Variants in RIC1 observed in about 807,000 individuals in gnomAD.
RIC1 encodes RIC1 partner of RAB6A GEF complex, also known as guanine nucleotide exchange factor subunit RIC1.
Under a neutral mutation model 169.0 loss-of-function variants are expected in RIC1, and 88 were observed. The observed-to-expected ratio is 0.52, with a 90% CI of 0.44 to 0.62. The LOEUF is 0.62. RIC1 is among the 20% of genes least tolerant of loss of function. The pLI is 0.00. For synonymous variants in RIC1, 790 were observed against 601.5 expected (o/e 1.31, Z -4.59); for missense variants, 1,877 against 1,725.5 (o/e 1.09, Z -1.56).
chr9:5,710,905 G>C (rs1462257236), intron 3 of RIC1, among the ~76,000 whole-genome samples: 2 of 152,044 alleles, frequency 1.3e-5, no homozygotes, highest in African/African-American at 2.4e-5. Flanking sequence ...AGAGAGAAAA[G>C]AGAAAATTAG....
chr9:5,777,104 C>CTAA (rs1827631320), downstream of RIC1, among the ~76,000 whole-genome samples: 1 of 152,004 alleles, frequency 6.6e-6, no homozygotes, highest in Admixed American at 6.5e-5. Context: ...TTTCATTTAC[C>CTAA]TAATGGTTAA....
intron 3 of RIC1, among the ~76,000 whole-genome samples, chr9:5,700,173 A>C (rs561071883): frequency 6.6e-6 from 1 of 152,172 alleles, no homozygotes; most frequent in Admixed American, 6.5e-5. Flanking sequence ...TGATTAACCA[A>C]TACTGAGCTG....
At chr9:5,652,485 TTGA>T (rs1370279055) in intron 1 of RIC1, among the ~76,000 whole-genome samples, 1 of 152,200 alleles carries the variant, frequency 6.6e-6, no homozygotes, top group Non-Finnish European at 1.5e-5. Context: ...GATTGTTTTG[TTGA>T]TTTCTTTTTT....
chr9:5,661,963 G>A (rs915848751), intron 2 of RIC1, among the ~76,000 whole-genome samples: 1 of 152,060 alleles, frequency 6.6e-6, no homozygotes, highest in African/African-American at 2.4e-5. Context: ...TATTGGCTGT[G>A]GGTTTGTCAT....
rs527285254 is a variant in RIC1, at chr9:5,655,463, G to A, written c.145-1120G>A. Among the ~76,000 whole-genome samples, 11 of 151,964 alleles carry A rather than the reference G, an allele frequency of 7.2e-5. No individual in the cohort carries two copies. In the South Asian group the frequency reaches 8.3e-4, roughly 11 times the overall value. On this transcript the variant is annotated intron_variant, in intron 1 of 25. Coordinates refer to ENST00000414202, the MANE Select transcript of RIC1 (RefSeq NM_020829.4). ...TTATAGGCGCCTGCCACCACACCGGGCTAATTTTTGTATTTTTAGTAGAGA... is the reference window on the plus strand; with the variant it reads ...TTATAGGCGCCTGCCACCACACCGGACTAATTTTTGTATTTTTAGTAGAGA...
At position 5,775,830 on chromosome 9, in the gene RIC1, G is replaced by C. The variant is rs559930847; in HGVS notation, c.*1584G>C. Reference sequence around the variant, plus strand: ...AAAATGAAACTCCCGAATGGGTGGAGTATGTGATTATTGGTACCTGGTCCT... The same window carrying C: ...AAAATGAAACTCCCGAATGGGTGGACTATGTGATTATTGGTACCTGGTCCT... On this transcript the variant is annotated 3_prime_UTR_variant, in exon 26 of 26. Transcript: ENST00000414202. The C allele has an allele frequency of 5.3e-5, 8 of 152,294 alleles. No individual in the cohort carries two copies. The highest frequency in any genetic ancestry group is 1.0e-4 in the Non-Finnish European group (7 of 67,996). 9.4% of individuals were successfully genotyped at this position (152,294 alleles called of 1,614,324 possible). A position where few individuals can be genotyped will look rare whatever the true frequency, so the allele number is the denominator to read the frequency against.
chr9:5,771,906 A>G (rs897134143), intron 23 of RIC1, among the ~76,000 whole-genome samples: 1 of 152,130 alleles, frequency 6.6e-6, no homozygotes, highest in Non-Finnish European at 1.5e-5. Flanking sequence ...TCCATGACAT[A>G]TTATCTATAA....
At chr9:5,675,995 C>T (rs2130603307) in intron 2 of RIC1, among the ~76,000 whole-genome samples, 1 of 152,322 alleles carries the variant, frequency 6.6e-6, no homozygotes, top group East Asian at 1.9e-4. Context: ...CTCCCAACTG[C>T]CCTTGGTCAT....
chr9:5,717,615 C>T (rs1361608409), intron 4 of RIC1, among the ~76,000 whole-genome samples: 4 of 152,140 alleles, frequency 2.6e-5, no homozygotes, highest in South Asian at 2.1e-4. Context: ...GAGGCCGAGG[C>T]GGGTGGATCA....
rs762156817 is a variant in RIC1, at chr9:5,747,419, C to T, written c.1366C>T (p.Arg456Ter). 3 of 1,613,978 alleles carry T rather than the reference C, an allele frequency of 1.9e-6. No homozygotes were observed. The highest frequency in any genetic ancestry group is 2.2e-5 in the East Asian group (1 of 44,874). The change falls in exon 12 of 26, where the codon CGA becomes TGA. Residue 456 changes from arginine (R) to a stop codon, truncating the protein, a stop_gained. Coordinates refer to ENST00000414202, the MANE Select transcript of RIC1 (RefSeq NM_020829.4). LOFTEE classifies it high-confidence loss of function. ...AACACACTCTGAGCATAAGCCCAGT[C>T]GAGAAAAGAGCCCATTTGCAGATGG... ...SSTHSEHKPSREKSPFADGGL... is the reference protein window; with the variant it reads ...SSTHSEHKPS
At chr9:5,633,401 C>T (rs1261253400) in intron 1 of RIC1, among the ~76,000 whole-genome samples, 1 of 152,124 alleles carries the variant, frequency 6.6e-6, no homozygotes, top group Admixed American at 6.5e-5. Flanking sequence ...GTTCAAACTC[C>T]TTAGTTTGAT....
At chr9:5,651,357 G>GT (rs201373436) in intron 1 of RIC1, among the ~76,000 whole-genome samples, 2,189 of 148,078 alleles carry the variant, frequency 0.015, 61 homozygotes, top group African/African-American at 0.049. Flanking sequence ...CCCTGTTTGG[G>GT]TTTTTTTTTT....
At chr9:5,748,426 T>C (rs1417918512) in intron 12 of RIC1, among the ~76,000 whole-genome samples, 2 of 152,218 alleles carry the variant, frequency 1.3e-5, no homozygotes, top group Non-Finnish European at 2.9e-5. Flanking sequence ...TACATTGACA[T>C]CTGGTATACA....
intron 2 of RIC1, among the ~76,000 whole-genome samples, chr9:5,676,876 T>C (rs1820482835): frequency 6.6e-6 from 1 of 152,242 alleles, no homozygotes; most frequent in Non-Finnish European, 1.5e-5. Context: ...CAGTAATTCA[T>C]TATGAGTATT....
intron 3 of RIC1, among the ~76,000 whole-genome samples, chr9:5,702,173 C>T (rs1201233875): frequency 6.6e-6 from 1 of 152,136 alleles, no homozygotes; most frequent in Non-Finnish European, 1.5e-5. Flanking sequence ...TCTAAAGGAG[C>T]TACAGATAAA....
intron 1 of RIC1, among the ~76,000 whole-genome samples, chr9:5,649,922 T>G (rs1214284185): frequency 6.6e-6 from 1 of 152,134 alleles, no homozygotes; most frequent in African/African-American, 2.4e-5. Context: ...CAGTAGTGTA[T>G]TTTTCATATG....
At chr9:5,683,005 T>C (rs1820956835) in intron 2 of RIC1, among the ~76,000 whole-genome samples, 2 of 152,252 alleles carry the variant, frequency 1.3e-5, no homozygotes, top group Admixed American at 1.3e-4. Context: ...GCCATGGGTT[T>C]CAGCTCCATC....
chr9:5,748,568 T>C (rs1825528825), intron 12 of RIC1: 1 of 152,672 alleles, frequency 6.5e-6, no homozygotes, highest in Non-Finnish European at 1.5e-5. Flanking sequence ...TTTCCACTGC[T>C]CCCTTCTCTC....
Position 5,766,309 on chromosome 9 carries a change from G to A in RIC1, c.3137+511G>A, listed in dbSNP as rs559143696. 1.2e-4 allele frequency among the ~76,000 whole-genome samples: 18 copies of A among 152,244 alleles called. No homozygotes were observed. The South Asian group carries it at 1.5e-3, about 12-fold the overall frequency. ...ACCTGCCTCTGCTTCCCAAAGGGCCGGGATTACAAGCGTGAGCCACCCTAC... is the reference window on the plus strand; with the variant it reads ...ACCTGCCTCTGCTTCCCAAAGGGCCAGGATTACAAGCGTGAGCCACCCTAC... On this transcript the variant is annotated intron_variant, in intron 21 of 25. Transcript: ENST00000414202.
Sources: gnomAD v4.1 joint callset for allele counts (sites outside exome capture counted in the v4.1 genomes callset) on GRCh38, gnomAD v4.1.1 for gene constraint, MANE v1.5 for transcripts, NCBI Gene and HGNC (gene_info 2026-07-23, HGNC 2026-07-21) for gene names.